The following MCUB variants were observed in gnomAD, a reference collection of about 807,000 sequenced individuals.
MCUB encodes the protein mitochondrial calcium uniporter dominant negative subunit beta, also known as calcium uniporter regulatory subunit MCUb, mitochondrial.
Under a neutral mutation model 41.4 loss-of-function variants are expected in MCUB, and 46 were observed. The ratio of observed to expected loss-of-function variants is 1.11; its 90% CI spans 0.88 to 1.42. The LOEUF (loss-of-function observed/expected upper bound fraction) is 1.42. Among genes scored for constraint, MCUB ranks in the 40% most tolerant of loss-of-function variants. The pLI, the probability that MCUB is intolerant of heterozygous loss-of-function variation, is 0.00. For missense variants in MCUB, 403 were observed against 404.9 expected, an observed-to-expected ratio of 1.00 and a Z score of 0.04; for synonymous variants, 148 against 148.2, an observed-to-expected ratio of 1.00 and a Z score of 0.01.
At chr4:109,568,822 C>G (rs1248735712) in intron 1 of MCUB, among the ~76,000 whole-genome samples, 1 of 152,108 alleles carries the variant, frequency 6.6e-6, no homozygotes, top group Non-Finnish European at 1.5e-5. Flanking sequence ...ACAGTAGGTA[C>G]ATAACAAATG....
At chr4:109,610,761 A>G (rs1173465059) in intron 1 of MCUB, among the ~76,000 whole-genome samples, 1 of 152,210 alleles carries the variant, frequency 6.6e-6, no homozygotes, top group Non-Finnish European at 1.5e-5. Context: ...CCTAGGCTAT[A>G]TTGTATAGCC....
At chr4:109,647,635 C>A (rs78445020) in intron 1 of MCUB, among the ~76,000 whole-genome samples, 2 of 152,056 alleles carry the variant, frequency 1.3e-5, no homozygotes, top group South Asian at 4.1e-4. Flanking sequence ...ATAAACAAAG[C>A]CATTATAAAC....
At chr4:109,560,720 G>C (rs1408374630) in intron 1 of MCUB, among the ~76,000 whole-genome samples, 1 of 152,172 alleles carries the variant, frequency 6.6e-6, no homozygotes, top group East Asian at 1.9e-4. Context: ...GGGACCACCA[G>C]ACTTCGGCCT....
At chr4:109,640,457 C>A (rs79061583) in intron 1 of MCUB, among the ~76,000 whole-genome samples, 1 of 152,306 alleles carries the variant, frequency 6.6e-6, no homozygotes, top group East Asian at 1.9e-4. Flanking sequence ...ATCTGAAAAT[C>A]TGTTGTTTAG....
At chr4:109,579,935 C>T (rs948162123) in intron 1 of MCUB, among the ~76,000 whole-genome samples, 1 of 152,120 alleles carries the variant, frequency 6.6e-6, no homozygotes, top group Non-Finnish European at 1.5e-5. Flanking sequence ...GCACAACGTG[C>T]AGTTTGTTAC....
At chr4:109,641,005 CT>C (rs1408396369) in intron 1 of MCUB, among the ~76,000 whole-genome samples, 2 of 152,150 alleles carry the variant, frequency 1.3e-5, no homozygotes, top group East Asian at 1.9e-4. Context: ...CCATTGTAGT[CT>C]TATTAGTTGG....
intron 1 of MCUB, among the ~76,000 whole-genome samples, chr4:109,656,402 G>A (rs1437341219): frequency 8.3e-6 from 1 of 120,466 alleles, no homozygotes; most frequent in Non-Finnish European, 1.6e-5. Flanking sequence ...TGGAGACAGG[G>A]TTTCCCTCTG....
At chr4:109,618,569 GCTT>G (rs1457507983) in intron 1 of MCUB, among the ~76,000 whole-genome samples, 2 of 152,240 alleles carry the variant, frequency 1.3e-5, no homozygotes, top group Admixed American at 1.3e-4. Context: ...TGTTTATTAT[GCTT>G]CTTCTTAAAT....
chr4:109,604,848 G>C (rs1404858998), intron 1 of MCUB, among the ~76,000 whole-genome samples: 1 of 152,116 alleles, frequency 6.6e-6, no homozygotes, highest in East Asian at 1.9e-4. Context: ...GTCAAACCAT[G>C]GTTCCCTCCT....
intron 1 of MCUB, among the ~76,000 whole-genome samples, chr4:109,586,364 C>T (rs1195648858): frequency 5.9e-5 from 9 of 152,024 alleles, no homozygotes; most frequent in African/African-American, 1.9e-4. Flanking sequence ...AATCTTTTTT[C>T]AAGGTTTTTA....
intron 1 of MCUB, among the ~76,000 whole-genome samples, chr4:109,599,136 G>GA (rs1727666539): frequency 6.6e-6 from 1 of 152,224 alleles, no homozygotes; most frequent in South Asian, 2.1e-4. Flanking sequence ...TCCAAGAACA[G>GA]AATTGAATAT....
chr4:109,642,781 A>T (rs2126140697), intron 1 of MCUB, among the ~76,000 whole-genome samples: 1 of 152,160 alleles, frequency 6.6e-6, no homozygotes, highest in East Asian at 1.9e-4. Context: ...CTTTAAAGAG[A>T]TGAAGACTGA....
At chr4:109,672,301 C>T (rs1729474549) in intron 4 of MCUB, among the ~76,000 whole-genome samples, 1 of 152,114 alleles carries the variant, frequency 6.6e-6, no homozygotes. Context: ...TTCCCTCCTG[C>T]CCAAAGCAGG....
At chr4:109,620,615 A>G (rs747263014) in intron 1 of MCUB, among the ~76,000 whole-genome samples, 10 of 151,764 alleles carry the variant, frequency 6.6e-5, no homozygotes, top group Non-Finnish European at 1.2e-4. Context: ...AATTGTTATC[A>G]TAACTGCCTC....
intron 1 of MCUB, among the ~76,000 whole-genome samples, chr4:109,598,995 C>T (rs781160358): frequency 2.0e-5 from 3 of 152,102 alleles, no homozygotes; most frequent in Admixed American, 1.3e-4. Context: ...TAAATTTTGA[C>T]TTTTGGATGA....
chr4:109,658,032 C>T (rs553274385), intron 1 of MCUB, among the ~76,000 whole-genome samples: 23 of 152,282 alleles, frequency 1.5e-4, no homozygotes, highest in South Asian at 6.2e-4. Flanking sequence ...CTCACTGTGT[C>T]GGCCAGGCTG....
At chr4:109,567,960 A>G (rs992965317) in intron 1 of MCUB, among the ~76,000 whole-genome samples, 3 of 152,124 alleles carry the variant, frequency 2.0e-5, no homozygotes, top group East Asian at 1.9e-4. Flanking sequence ...CGGCCTCCCA[A>G]AGTGCTGGGA....
intron 1 of MCUB, among the ~76,000 whole-genome samples, chr4:109,613,815 G>C (rs1023511786): frequency 9.7e-5 from 14 of 144,908 alleles, no homozygotes; most frequent in African/African-American, 3.4e-4. Flanking sequence ...CTCACAGGCA[G>C]TTTGTGAGAA....
intron 3 of MCUB, among the ~76,000 whole-genome samples, chr4:109,663,326 C>G (rs2126145360): frequency 6.6e-6 from 1 of 152,332 alleles, no homozygotes; most frequent in South Asian, 2.1e-4. Flanking sequence ...TTTCTTAACA[C>G]CTGGATTACA....
Sources: allele counts gnomAD v4.1 joint callset (sites outside exome capture counted in the v4.1 genomes callset), GRCh38; gene constraint gnomAD v4.1.1; transcripts MANE v1.5; gene names NCBI Gene and HGNC (gene_info 2026-07-23, HGNC 2026-07-21).